Variants in PARP12 observed in about 807,000 individuals in gnomAD.
The protein encoded by PARP12 is protein mono-ADP-ribosyltransferase PARP12.
A neutral mutation model predicts 72.4 loss-of-function variants in PARP12; 59 were observed. The ratio of observed to expected loss-of-function variants is 0.81; its 90% CI spans 0.66 to 1.01. PARP12 has a LOEUF of 1.01. Among genes scored for constraint, PARP12 ranks in the 50% least tolerant of loss-of-function variants. PARP12 has a pLI of 0.00. For synonymous variants in PARP12, 403 were observed against 371.4 expected (o/e 1.09, Z -0.98); for missense variants, 851 against 914.0 (o/e 0.93, Z 0.89).
At chr7:140,060,384 C>A (rs2078133182) in intron 1 of PARP12, among the ~76,000 whole-genome samples, 1 of 152,148 alleles carries the variant, frequency 6.6e-6, no homozygotes, top group Non-Finnish European at 1.5e-5. Flanking sequence ...ACTGACCCTG[C>A]GGTTCAGGAA....
intron 5 of PARP12, among the ~76,000 whole-genome samples, chr7:140,043,450 C>G (rs758422406): frequency 6.6e-6 from 1 of 152,094 alleles, no homozygotes. Context: ...AAAAACAGAA[C>G]TTTTACTATT....
Position 140,049,755 on chromosome 7 carries a change from G to A in PARP12, c.863-2748C>T, listed in dbSNP as rs1224685850. 2.0e-5 allele frequency among the ~76,000 whole-genome samples: 3 copies of A among 152,188 alleles called. No homozygotes were observed. In the East Asian group the frequency reaches 5.8e-4, roughly 29 times the overall value. ...AGACCACACTGTTCACAGCTGGAAG[G>A]TGCCCAGGACAGGAGGCACCAGGTA... On this transcript the variant is annotated intron_variant, in intron 4 of 11. Transcript: ENST00000263549.
At chr7:140,042,285 C>T (rs965512239) in intron 5 of PARP12, among the ~76,000 whole-genome samples, 18 of 152,220 alleles carry the variant, frequency 1.2e-4, no homozygotes, top group South Asian at 4.1e-4. Context: ...ACTTCACAGA[C>T]GGGAAAACAG....
In PARP12 at chr7:140,062,570, T is replaced by G. The variant is rs780091993; in HGVS notation, c.278A>C (p.His93Pro). 6.4e-7 allele frequency: 1 copy of G among 1,551,722 alleles called. No homozygotes were observed. Among genetic ancestry groups the G allele is most frequent in the Non-Finnish European group, 8.7e-7 (1 of 1,153,572 alleles). Residue 93 changes from histidine (H) to proline (P), a missense_variant, in exon 1 of 12, where the codon CAC (histidine) becomes CCC (proline). His to Pro is a moderately conservative substitution (Grantham distance 77). This residue lies in a region of PARP12 where 492 missense variants were observed against 489.3 expected (regional missense o/e 1.01). Transcript: ENST00000263549. ...PGCVGLCAQL[H>P]LCRFMVYGAC... is the part of the protein sequence containing the mutation. Reference sequence around the variant, plus strand: ...GCCGTAGACCATGAACCTGCAGAGGTGGAGCTGCGCGCAGAGCCCCACGCA... The same window carrying G: ...GCCGTAGACCATGAACCTGCAGAGGGGGAGCTGCGCGCAGAGCCCCACGCA...
intron 8 of PARP12, chr7:140,033,891 T>C (rs1816040460): frequency 2.0e-6 from 2 of 996,810 alleles, no homozygotes; most frequent in Non-Finnish European, 1.2e-6. Flanking sequence ...TTTCATTATT[T>C]CAACATTTAA....
chr7:140,047,042 G>C (rs1374145137), intron 4 of PARP12, 35 bp from the exon 5 acceptor site: 3 of 1,584,920 alleles, frequency 1.9e-6, no homozygotes, highest in Non-Finnish European at 2.6e-6. Context: ...AGATAGCTGG[G>C]CAATACACAG....
intron 8 of PARP12, chr7:140,033,526 C>T (rs1816027931): frequency 7.1e-6 from 7 of 985,332 alleles, no homozygotes; most frequent in Non-Finnish European, 8.4e-6. Context: ...TGCAGGCCAC[C>T]TTCCCCCAAT....
At chr7:140,054,403 T>C (rs1027908802) in intron 4 of PARP12, among the ~76,000 whole-genome samples, 1 of 152,238 alleles carries the variant, frequency 6.6e-6, no homozygotes, top group African/African-American at 2.4e-5. Flanking sequence ...CAAGGCTCAA[T>C]ACTTGACACT....
chr7:140,030,454 C>T (rs1375334108), intron 8 of PARP12, among the ~76,000 whole-genome samples: 4 of 152,254 alleles, frequency 2.6e-5, no homozygotes, highest in African/African-American at 7.2e-5. Context: ...AAAAATTAGC[C>T]GGGCATGGTG....
intron 8 of PARP12, among the ~76,000 whole-genome samples, chr7:140,031,444 GACATT>G (rs1316445977): frequency 6.6e-6 from 1 of 152,138 alleles, no homozygotes; most frequent in Admixed American, 6.5e-5. Context: ...TCTGAATATG[GACATT>G]ACATTTTATG....
chr7:140,050,017 T>C (rs554838156), intron 4 of PARP12, among the ~76,000 whole-genome samples: 26 of 152,130 alleles, frequency 1.7e-4, no homozygotes, highest in African/African-American at 6.3e-4. Flanking sequence ...CCTATAGTCC[T>C]TGAAATAACA....
Position 140,057,082 on chromosome 7 carries a change from G to C in PARP12, c.534C>G (p.Leu178=). 1.2e-6 allele frequency: 2 copies of C among 1,614,160 alleles called. No individual in the cohort carries two copies. Among genetic ancestry groups the C allele is most frequent in the African/African-American group, 2.7e-5 (2 of 75,036 alleles). The change falls in exon 3 of 12, where the codon CTC becomes CTG. Residue 178 remains leucine (L), a synonymous_variant. Coordinates refer to ENST00000263549, the MANE Select transcript of PARP12 (RefSeq NM_022750.4). ...CCTGTAAAAAATACTGGCAGATATG[G>C]AGCTTGATGCACTGCTTTTGAAAGG... ...SCAFQKQCIK[L]HICQYFLQGE...
At chr7:140,039,690 G>A (rs1182580933) in intron 6 of PARP12, among the ~76,000 whole-genome samples, 1 of 152,114 alleles carries the variant, frequency 6.6e-6, no homozygotes, top group Non-Finnish European at 1.5e-5. Flanking sequence ...TTTTGAAGTG[G>A]CAATTAACAG....
At chr7:140,026,939 A>G (rs1263558069) in intron 10 of PARP12, among the ~76,000 whole-genome samples, 1 of 152,120 alleles carries the variant, frequency 6.6e-6, no homozygotes, top group Non-Finnish European at 1.5e-5. Flanking sequence ...CCACAGCCTT[A>G]TGTTCCTGGG....
At position 140,040,609 on chromosome 7, in the gene PARP12, G is replaced by T. The variant is rs1585095292; in HGVS notation, c.1182+1035C>A. ...AAAAGACAAAAGTCCCTGCCCTCATGGAGCTTACATTAGAGCATCACCAGA... is the reference window on the plus strand; with the variant it reads ...AAAAGACAAAAGTCCCTGCCCTCATTGAGCTTACATTAGAGCATCACCAGA... On this transcript the variant is annotated intron_variant, in intron 6 of 11. Transcript: ENST00000263549. Among the ~76,000 whole-genome samples the T allele has an allele frequency of 2.0e-5, 3 of 152,192 alleles. No individual in the cohort carries two copies. In the East Asian group the frequency reaches 5.8e-4, roughly 29 times the overall value.
intron 1 of PARP12, among the ~76,000 whole-genome samples, chr7:140,059,104 A>G (rs1346071364): frequency 6.6e-6 from 1 of 152,086 alleles, no homozygotes; most frequent in Non-Finnish European, 1.5e-5. Context: ...TCAAAAAAAA[A>G]AAAAAGAAAG....
Position 140,028,704 on chromosome 7 carries a change from C to T in PARP12, c.1422-16G>A. On this transcript the variant is annotated splice_polypyrimidine_tract_variant and intron_variant, in intron 8 of 11. Transcript: ENST00000263549. Reference sequence around the variant, plus strand: ...CTTGGTATTGCTACAAAAATGTAAACAAAAACACGTAGACATTTTATTCTT... The same window carrying T: ...CTTGGTATTGCTACAAAAATGTAAATAAAAACACGTAGACATTTTATTCTT... 1 of 1,582,412 alleles carries T rather than the reference C, an allele frequency of 6.3e-7. No homozygotes were observed. Among genetic ancestry groups the T allele is most frequent in the African/African-American group, 1.3e-5 (1 of 74,346 alleles).
intron 5 of PARP12, among the ~76,000 whole-genome samples, chr7:140,043,705 A>AT (rs1173347643): frequency 2.0e-5 from 3 of 151,762 alleles, no homozygotes; most frequent in Non-Finnish European, 2.9e-5. Flanking sequence ...TAATTTTTGT[A>AT]TTTTTTTGTG....
intron 7 of PARP12, among the ~76,000 whole-genome samples, chr7:140,035,921 GAGGACA>G (rs1209063109): frequency 7.4e-6 from 1 of 134,860 alleles, no homozygotes; most frequent in Admixed American, 7.2e-5. Flanking sequence ...GGACAAGGAG[GAGGACA>G]AGGAGGAGGA....
Sources: gnomAD v4.1 joint callset for allele counts (sites outside exome capture counted in the v4.1 genomes callset) on GRCh38, gnomAD v4.1.1 for gene constraint, gnomAD v4.1.1 regional missense constraint, MANE v1.5 for transcripts, NCBI Gene and HGNC (gene_info 2026-07-23, HGNC 2026-07-21) for gene names.